PTPRD: variants seen among roughly 807,000 people sequenced by gnomAD.
The protein encoded by PTPRD is receptor-type tyrosine-protein phosphatase delta.
Under a neutral mutation model 214.5 loss-of-function variants are expected in PTPRD, and 34 were observed. That is an observed-to-expected ratio of 0.16 (90% CI 0.12 to 0.21). The LOEUF is 0.21. Ranked by LOEUF, PTPRD falls within the 10% of genes least tolerant of loss-of-function variation. The pLI, the probability that PTPRD is intolerant of heterozygous loss-of-function variation, is 1.00. For missense variants in PTPRD, 2,545 were observed against 2,398.7 expected, an observed-to-expected ratio of 1.06 and a Z score of -1.27; for synonymous variants, 1,128 against 845.7, an observed-to-expected ratio of 1.33 and a Z score of -5.79.
chr9:9,306,290 G>A (rs192989751), intron 9 of PTPRD, among the ~76,000 whole-genome samples: 36 of 151,338 alleles, frequency 2.4e-4, no homozygotes, highest in African/African-American at 5.6e-4. Context: ...TCGGCTGGGC[G>A]CAGTGGCTCA....
intron 10 of PTPRD, among the ~76,000 whole-genome samples, chr9:9,112,884 T>C (rs564832469): frequency 3.8e-4 from 57 of 151,938 alleles, no homozygotes; most frequent in African/African-American, 1.3e-3. Context: ...TTACAAACCT[T>C]TGATGAGGAA....
intron 14 of PTPRD, among the ~76,000 whole-genome samples, chr9:8,610,758 A>G (rs1310651582): frequency 6.6e-6 from 1 of 152,152 alleles, no homozygotes; most frequent in Non-Finnish European, 1.5e-5. Flanking sequence ...CTGCTGTGTT[A>G]TTCTACTTAG....
chr9:8,699,501 T>G (rs1482386856), intron 12 of PTPRD, among the ~76,000 whole-genome samples: 1 of 152,208 alleles, frequency 6.6e-6, no homozygotes, highest in Non-Finnish European at 1.5e-5. Flanking sequence ...TACATTTATT[T>G]AACAAAGGAA....
intron 11 of PTPRD, among the ~76,000 whole-genome samples, chr9:8,936,444 A>AAAAAAAAAAAAAAAAAAAAAAAAAAAAT (rs2098998245): frequency 6.6e-6 from 1 of 150,400 alleles, no homozygotes; most frequent in Non-Finnish European, 1.5e-5. Flanking sequence ...AAAAAAAAAA[A>AAAAAAAAAAAAAAAAAAAAAAAAAAAAT]AAAAAAGAAG....
intron 3 of PTPRD, among the ~76,000 whole-genome samples, chr9:10,334,759 G>A (rs1267744404): frequency 3.3e-5 from 5 of 151,402 alleles, no homozygotes; most frequent in African/African-American, 1.2e-4. Context: ...CTTTTCCTTT[G>A]ATTGACAGTG....
intron 6 of PTPRD, among the ~76,000 whole-genome samples, chr9:9,748,464 C>T (rs1382014080): frequency 6.6e-6 from 1 of 152,170 alleles, no homozygotes. Context: ...GAAAAAAGAT[C>T]TGTCAATTGT....
At chr9:9,985,783 T>C (rs114837872) in intron 4 of PTPRD, among the ~76,000 whole-genome samples, 2,187 of 151,944 alleles carry the variant, frequency 0.014, 59 homozygotes, top group African/African-American at 0.049. Flanking sequence ...GAAAAACATT[T>C]ATAAATAATA....
intron 7 of PTPRD, among the ~76,000 whole-genome samples, chr9:9,595,773 T>C (rs905608627): frequency 6.6e-6 from 1 of 151,286 alleles, no homozygotes; most frequent in Non-Finnish European, 1.5e-5. Context: ...AATGATACAA[T>C]GGACTTTGAG....
rs372838456 is a variant in PTPRD at position 10,445,854 on chromosome 9, TA to T, written c.-599-104838del. 4.4e-3 allele frequency among the ~76,000 whole-genome samples: 665 copies of T among 151,982 alleles called. 5 individuals are homozygous for T. The highest frequency in any genetic ancestry group is 0.015 in the African/African-American group (626 of 41,460). The stretch of plus-strand genomic sequence containing the variant: ...GGTCTACTTTTAAGAAGTTTAGTGC[TA>T]AAAAAAACTAACAACAACAAAAAGA... On this transcript the variant is annotated intron_variant, in intron 2 of 45. Coordinates refer to ENST00000381196, the MANE Select transcript of PTPRD (RefSeq NM_002839.4).
At chr9:8,557,903 T>C (rs2084619187) in intron 14 of PTPRD, among the ~76,000 whole-genome samples, 1 of 151,162 alleles carries the variant, frequency 6.6e-6, no homozygotes, top group Non-Finnish European at 1.5e-5. Context: ...AACATAGAAG[T>C]AAAGATCATT....
intron 7 of PTPRD, among the ~76,000 whole-genome samples, chr9:9,716,025 C>A (rs1405904981): frequency 6.6e-6 from 1 of 151,698 alleles, no homozygotes; most frequent in African/African-American, 2.4e-5. Context: ...CACAACAGTC[C>A]CCAGAGTGTG....
At chr9:8,847,358 T>TA (rs58086996) in intron 11 of PTPRD, among the ~76,000 whole-genome samples, 12 of 151,874 alleles carry the variant, frequency 7.9e-5, no homozygotes, top group African/African-American at 1.2e-4. Context: ...AACCTAACTA[T>TA]AAAAAAAACC....
chr9:10,291,028 CTTT>C (rs546852022), intron 3 of PTPRD, among the ~76,000 whole-genome samples: 12 of 130,612 alleles, frequency 9.2e-5, no homozygotes, highest in African/African-American at 2.8e-5. Context: ...AGAATCTACA[CTTT>C]TTTTTTTTTT....
intron 12 of PTPRD, among the ~76,000 whole-genome samples, chr9:8,670,145 C>G (rs900101105): frequency 6.6e-6 from 1 of 151,936 alleles, no homozygotes; most frequent in African/African-American, 2.4e-5. Context: ...TTGACTTGGG[C>G]AGGAGGAAAA....
intron 5 of PTPRD, among the ~76,000 whole-genome samples, chr9:9,885,788 G>T (rs1443910398): frequency 2.0e-5 from 3 of 151,828 alleles, no homozygotes; most frequent in Middle Eastern, 3.2e-3. Context: ...CTGATCTCCA[G>T]AACTGTAAGA....
At chr9:10,094,498 GAAAT>G (rs2098463343) in intron 3 of PTPRD, among the ~76,000 whole-genome samples, 1 of 145,510 alleles carries the variant, frequency 6.9e-6, no homozygotes, top group Non-Finnish European at 1.5e-5. Context: ...AAAATCATTA[GAAAT>G]AAATAAACAA....
chr9:8,498,953 G>T (rs964911584), intron 25 of PTPRD, among the ~76,000 whole-genome samples: 1 of 152,138 alleles, frequency 6.6e-6, no homozygotes, highest in East Asian at 1.9e-4. Context: ...AAACCGGGTT[G>T]TGATACCATA....
chr9:9,840,359 T>C lies in PTPRD; in HGVS notation c.-367-73508A>G, dbSNP rs554306044. On this transcript the variant is annotated intron_variant, in intron 5 of 45. Coordinates refer to ENST00000381196, the MANE Select transcript of PTPRD (RefSeq NM_002839.4). Reference sequence around the variant, plus strand: ...AATTTAGTTAAGGAAAACACAAATTTAATCAGATTTGAAAAATAGACTTTG... The same window carrying C: ...AATTTAGTTAAGGAAAACACAAATTCAATCAGATTTGAAAAATAGACTTTG... Among the ~76,000 whole-genome samples, 17 of 152,282 alleles carry C rather than the reference T, an allele frequency of 1.1e-4. No homozygotes were observed. In the South Asian group the frequency reaches 3.5e-3, roughly 32 times the overall value.
intron 3 of PTPRD, among the ~76,000 whole-genome samples, chr9:10,035,643 C>G (rs1312571347): frequency 6.6e-6 from 1 of 151,964 alleles, no homozygotes; most frequent in Non-Finnish European, 1.5e-5. Flanking sequence ...CCTCTCCACA[C>G]CCTCATCATT....
Sources: allele counts gnomAD v4.1 joint callset (sites outside exome capture counted in the v4.1 genomes callset), GRCh38; gene constraint gnomAD v4.1.1; transcripts MANE v1.5; gene names NCBI Gene and HGNC (gene_info 2026-07-23, HGNC 2026-07-21).